The following GPC6 variants were observed in gnomAD, a reference collection of about 807,000 sequenced individuals.
GPC6 encodes the protein glypican-6.
A neutral mutation model predicts 55.2 loss-of-function variants in GPC6; 14 were observed. That is an observed-to-expected ratio of 0.25 (90% CI 0.17 to 0.40). The LOEUF is 0.40. Ranked by LOEUF, GPC6 falls within the 10% of genes least tolerant of loss-of-function variation. The pLI, the probability that GPC6 is intolerant of heterozygous loss-of-function variation, is 1.00. For synonymous variants in GPC6, 278 were observed against 259.6 expected (o/e 1.07, Z -0.68); for missense variants, 641 against 708.5 (o/e 0.90, Z 1.08).
At position 93,879,126 on chromosome 13, in the gene GPC6, C is replaced by T. The variant is rs921816834; in HGVS notation, c.711+48581C>T. Among the ~76,000 whole-genome samples, 7 of 152,178 alleles carry T rather than the reference C, an allele frequency of 4.6e-5. No homozygotes were observed. The East Asian group carries it at 7.8e-4, about 17-fold the overall frequency. Reference sequence around the variant, plus strand: ...TACCCTTTCTTCCAGTTGATCGCATCGGCTCCTGAGGCTTCTGCATTCTTC... The same window carrying T: ...TACCCTTTCTTCCAGTTGATCGCATTGGCTCCTGAGGCTTCTGCATTCTTC... On this transcript the variant is annotated intron_variant, in intron 3 of 8. Coordinates refer to ENST00000377047, the MANE Select transcript of GPC6 (RefSeq NM_005708.5).
intron 1 of GPC6, among the ~76,000 whole-genome samples, chr13:93,330,336 G>A (rs778028561): frequency 2.7e-4 from 41 of 152,124 alleles, no homozygotes; most frequent in Non-Finnish European, 4.9e-4. Context: ...ACTAGCCTGG[G>A]TAGCATGGCA....
chr13:94,263,514 A>C lies in GPC6; in HGVS notation c.878-22835A>C, dbSNP rs115706929. On this transcript the variant is annotated intron_variant, in intron 4 of 8. Transcript: ENST00000377047. ...TGCTTTCGATCAATTTTTCTCTTCTATCCCAGTAACATGGTTATCCAAGCC... is the reference window on the plus strand; with the variant it reads ...TGCTTTCGATCAATTTTTCTCTTCTCTCCCAGTAACATGGTTATCCAAGCC... Among the ~76,000 whole-genome samples the C allele has an allele frequency of 4.2e-3, 645 of 152,290 alleles. 8 individuals carry two copies. Among genetic ancestry groups the C allele is most frequent in the African/African-American group, 0.015 (614 of 41,576 alleles).
At chr13:93,970,486 G>A (rs1364442596) in intron 3 of GPC6, among the ~76,000 whole-genome samples, 2 of 151,574 alleles carry the variant, frequency 1.3e-5, no homozygotes, top group African/African-American at 4.8e-5. Context: ...TACTGTTTAT[G>A]TTTTTCCCTA....
chr13:94,376,318 A>T (rs1879854240), intron 6 of GPC6, among the ~76,000 whole-genome samples: 1 of 143,926 alleles, frequency 6.9e-6, no homozygotes, highest in African/African-American at 2.6e-5. Flanking sequence ...TCAGCCCAAA[A>T]TCTCCTTAAG....
chr13:93,439,641 G>A (rs1471833302), intron 1 of GPC6, among the ~76,000 whole-genome samples: 3 of 149,070 alleles, frequency 2.0e-5, no homozygotes, highest in South Asian at 4.2e-4. Flanking sequence ...TAGCCTGGGC[G>A]ACAAAAGTGA....
intron 4 of GPC6, among the ~76,000 whole-genome samples, chr13:94,183,499 A>T (rs1040915973): frequency 1.3e-5 from 2 of 152,140 alleles, no homozygotes; most frequent in African/African-American, 4.8e-5. Context: ...CCTTTTAGCT[A>T]TTGAGAATAA....
intron 3 of GPC6, among the ~76,000 whole-genome samples, chr13:94,009,363 A>G (rs1594662847): frequency 6.6e-6 from 1 of 152,302 alleles, no homozygotes; most frequent in Admixed American, 6.5e-5. Flanking sequence ...CCTGCTTGCA[A>G]AGGATCTTGG....
At chr13:93,373,332 C>A (rs1874750099) in intron 1 of GPC6, among the ~76,000 whole-genome samples, 1 of 152,204 alleles carries the variant, frequency 6.6e-6, no homozygotes, top group Non-Finnish European at 1.5e-5. Flanking sequence ...TACACAACCT[C>A]CTTTCTTCAT....
chr13:94,321,451 C>T (rs1358559343), intron 6 of GPC6, among the ~76,000 whole-genome samples: 2 of 152,128 alleles, frequency 1.3e-5, no homozygotes, highest in African/African-American at 4.8e-5. Context: ...ATTGCTGGGT[C>T]AAATGGTAAT....
chr13:93,989,900 G>GTGTATATATATATACACACATATATATA (rs1566636944), intron 3 of GPC6, among the ~76,000 whole-genome samples: 15 of 139,164 alleles, frequency 1.1e-4, no homozygotes, highest in African/African-American at 3.4e-4. Flanking sequence ...ATATGTGTGT[G>GTGTATATATATATACACACATATATATA]TGTATATATA....
At chr13:93,709,918 ATAAC>A (rs1211947107) in intron 2 of GPC6, among the ~76,000 whole-genome samples, 5 of 151,834 alleles carry the variant, frequency 3.3e-5, no homozygotes, top group Admixed American at 6.6e-5. Flanking sequence ...AATATTATAA[ATAAC>A]AGTTCAGGAC....
chr13:93,256,718 C>A (rs902262112), intron 1 of GPC6, among the ~76,000 whole-genome samples: 3 of 152,122 alleles, frequency 2.0e-5, no homozygotes, highest in Admixed American at 2.0e-4. Flanking sequence ...TAGGCATGTG[C>A]TATCATCCAG....
chr13:94,365,719 C>T (rs1231450540), intron 6 of GPC6, among the ~76,000 whole-genome samples: 1 of 152,158 alleles, frequency 6.6e-6, no homozygotes, highest in African/African-American at 2.4e-5. Context: ...TGGGTACTCT[C>T]ACTGTTGGAT....
intron 2 of GPC6, among the ~76,000 whole-genome samples, chr13:93,605,835 G>A (rs1364602279): frequency 5.5e-5 from 7 of 127,440 alleles, no homozygotes; most frequent in African/African-American, 1.9e-4. Context: ...GAGCGAGACC[G>A]TCTCAATAAA....
At chr13:93,603,960 A>G (rs1878131797) in intron 2 of GPC6, among the ~76,000 whole-genome samples, 1 of 152,264 alleles carries the variant, frequency 6.6e-6, no homozygotes, top group African/African-American at 2.4e-5. Flanking sequence ...AATCTGGAAT[A>G]GAAAAATGGC....
At chr13:93,290,726 C>T (rs1253779420) in intron 1 of GPC6, among the ~76,000 whole-genome samples, 3 of 151,952 alleles carry the variant, frequency 2.0e-5, no homozygotes, top group Non-Finnish European at 4.4e-5. Flanking sequence ...TTTGTTCCAA[C>T]CTTTGAAAAA....
At chr13:93,936,285 G>A (rs1878430626) in intron 3 of GPC6, among the ~76,000 whole-genome samples, 1 of 152,072 alleles carries the variant, frequency 6.6e-6, no homozygotes, top group African/African-American at 2.4e-5. Flanking sequence ...AGTCATCTAT[G>A]TACCAATCTG....
At chr13:93,791,034 A>C (rs1886016078) in intron 2 of GPC6, among the ~76,000 whole-genome samples, 1 of 152,322 alleles carries the variant, frequency 6.6e-6, no homozygotes, top group East Asian at 1.9e-4. Context: ...GAGGAGCCTC[A>C]ACCGTTCCCC....
chr13:94,065,641 A>G (rs1472018223), intron 4 of GPC6, among the ~76,000 whole-genome samples: 1 of 152,204 alleles, frequency 6.6e-6, no homozygotes, highest in African/African-American at 2.4e-5. Context: ...AATTTTGACT[A>G]TCTAGCAAAG....
Sources: allele counts gnomAD v4.1 joint callset (sites outside exome capture counted in the v4.1 genomes callset), GRCh38; gene constraint gnomAD v4.1.1; transcripts MANE v1.5; gene names NCBI Gene and HGNC (gene_info 2026-07-23, HGNC 2026-07-21).